TMTC2: variants seen among roughly 807,000 people sequenced by gnomAD.
TMTC2 encodes protein O-mannosyl-transferase TMTC2.
A neutral mutation model predicts 82.4 loss-of-function variants in TMTC2; 43 were observed. The ratio of observed to expected loss-of-function variants is 0.52; its 90% confidence interval spans 0.41 to 0.67. The LOEUF (loss-of-function observed/expected upper bound fraction) is 0.67. Among genes scored for constraint, TMTC2 ranks in the 30% least tolerant of loss-of-function variants. TMTC2 has a pLI of 0.00. For synonymous variants in TMTC2, 408 were observed against 381.9 expected, an observed-to-expected ratio of 1.07 and a Z score of -0.80; for missense variants, 919 against 1,012.4, an observed-to-expected ratio of 0.91 and a Z score of 1.25.
chr12:82,943,603 C>T (rs1876839334), intron 4 of TMTC2, among the ~76,000 whole-genome samples: 1 of 152,186 alleles, frequency 6.6e-6, no homozygotes, highest in African/African-American at 2.4e-5. Context: ...TGAAATTTAT[C>T]TTCCTGCCAC....
intron 1 of TMTC2, among the ~76,000 whole-genome samples, chr12:82,809,302 G>A (rs150630578): frequency 0.013 from 1,912 of 152,064 alleles, 32 homozygotes; most frequent in Middle Eastern, 0.024. Flanking sequence ...TACAGATCTT[G>A]CATTGCATGT....
chr12:83,015,823 G>A (rs1272644162), intron 8 of TMTC2, among the ~76,000 whole-genome samples: 5 of 152,178 alleles, frequency 3.3e-5, no homozygotes, highest in Admixed American at 2.0e-4. Flanking sequence ...CCAGTCCGGC[G>A]ATACGCTTGT....
intron 1 of TMTC2, chr12:82,760,770 T>C (rs2470887): frequency 0.99 from 280,817 of 282,840 alleles, 139,435 homozygotes; most frequent in Non-Finnish European, 1. Context: ...TCTCATAGGG[T>C]GCAAACCCTG....
chr12:82,802,213 G>A (rs1248877205), intron 1 of TMTC2, among the ~76,000 whole-genome samples: 1 of 152,148 alleles, frequency 6.6e-6, no homozygotes, highest in Admixed American at 6.5e-5. Context: ...GCAGCTGCTG[G>A]CTCAGGTCCT....
At chr12:82,940,478 A>T (rs1876653618) in intron 4 of TMTC2, among the ~76,000 whole-genome samples, 1 of 151,920 alleles carries the variant, frequency 6.6e-6, no homozygotes, top group African/African-American at 2.4e-5. Flanking sequence ...TCTATTTTAA[A>T]TTGGTCATTC....
chr12:82,998,183 T>G (rs1879748291), intron 8 of TMTC2, among the ~76,000 whole-genome samples: 1 of 152,154 alleles, frequency 6.6e-6, no homozygotes, highest in Non-Finnish European at 1.5e-5. Context: ...ATTGGAAAAC[T>G]TACTAAAAAA....
Position 82,751,645 on chromosome 12 carries a change from G to A in TMTC2, c.83+63976G>A, listed in dbSNP as rs568106226. On this transcript the variant is annotated intron_variant, in intron 1 of 11. Transcript: ENST00000321196. Reference sequence around the variant, plus strand: ...GGGAAAGGTTTTAAGGTTTACAATGGCTAATAAAGAAATCATGGATAATGG... The same window carrying A: ...GGGAAAGGTTTTAAGGTTTACAATGACTAATAAAGAAATCATGGATAATGG... Among the ~76,000 whole-genome samples, 7 of 152,124 alleles carry A rather than the reference G, an allele frequency of 4.6e-5. No homozygotes were observed. The South Asian group carries it at 1.0e-3, about 23-fold the overall frequency.
intron 1 of TMTC2, among the ~76,000 whole-genome samples, chr12:82,766,823 G>C (rs1427313802): frequency 6.6e-6 from 1 of 151,662 alleles, no homozygotes; most frequent in Admixed American, 6.6e-5. Context: ...ACGGAGTCTC[G>C]CTCTGTCACC....
At chr12:83,115,968 A>G (rs1194972788) in intron 11 of TMTC2, among the ~76,000 whole-genome samples, 1 of 152,014 alleles carries the variant, frequency 6.6e-6, no homozygotes, top group Non-Finnish European at 1.5e-5. Context: ...TTGTATTTTT[A>G]GTAGAAACGG....
chr12:83,048,174 T>G (rs948745653), intron 9 of TMTC2, among the ~76,000 whole-genome samples: 3 of 152,226 alleles, frequency 2.0e-5, no homozygotes, highest in African/African-American at 7.2e-5. Context: ...CAGTTTATAA[T>G]AACTATAACT....
intron 1 of TMTC2, among the ~76,000 whole-genome samples, chr12:82,844,493 G>A (rs926371183): frequency 1.3e-5 from 2 of 152,050 alleles, no homozygotes; most frequent in African/African-American, 4.8e-5. Flanking sequence ...TTATAGTTAC[G>A]TTCTCTCTTT....
chr12:82,937,282 CT>C lies in TMTC2; in HGVS notation c.1598+6746del, dbSNP rs377488444. Among the ~76,000 whole-genome samples, 17 of 151,250 alleles carry C rather than the reference CT, an allele frequency of 1.1e-4. No homozygotes were observed. In the East Asian group the frequency reaches 1.4e-3, roughly 12 times the overall value. ...AACCTGTAAAAGAATCCTTCCTTGC[CT>C]TTTTTTTTGTGGTTTCTTGGCAATC... On this transcript the variant is annotated intron_variant, in intron 4 of 11. Transcript: ENST00000321196.
At chr12:82,974,925 A>G (rs1467721610) in intron 7 of TMTC2, among the ~76,000 whole-genome samples, 2 of 152,100 alleles carry the variant, frequency 1.3e-5, no homozygotes, top group African/African-American at 2.4e-5. Flanking sequence ...GAGGATCTTC[A>G]AGGGAGACGG....
At chr12:82,853,109 CTT>C (rs1185301395) in intron 1 of TMTC2, among the ~76,000 whole-genome samples, 1 of 145,136 alleles carries the variant, frequency 6.9e-6, no homozygotes, top group Admixed American at 6.9e-5. Flanking sequence ...AGTTTTTTTT[CTT>C]TTTTTTTTTG....
intron 11 of TMTC2, among the ~76,000 whole-genome samples, chr12:83,112,121 C>T (rs2137547484): frequency 6.6e-6 from 1 of 152,228 alleles, no homozygotes; most frequent in East Asian, 1.9e-4. Flanking sequence ...AAGACTCCTT[C>T]AGTGAGTTTC....
At chr12:83,026,265 A>G (rs772997744) in intron 8 of TMTC2, among the ~76,000 whole-genome samples, 1 of 152,186 alleles carries the variant, frequency 6.6e-6, no homozygotes, top group Non-Finnish European at 1.5e-5. Context: ...ATATTAGAGC[A>G]GAAGATTCTC....
intron 3 of TMTC2, among the ~76,000 whole-genome samples, chr12:82,905,548 T>C (rs1223024938): frequency 6.6e-6 from 1 of 152,216 alleles, no homozygotes; most frequent in Non-Finnish European, 1.5e-5. Context: ...ACAAAAGATA[T>C]ATGTAAAATT....
At position 82,779,614 on chromosome 12, in the gene TMTC2, C is replaced by A. The variant is rs1251857913; in HGVS notation, c.84-77396C>A. ...GCTGTTAAACAAAATAACTATAGTT[C>A]TAGGCTGGGTGTGGTGGCACATGCC... On this transcript the variant is annotated intron_variant, in intron 1 of 11. Coordinates refer to ENST00000321196, the MANE Select transcript of TMTC2 (RefSeq NM_152588.3). 3.3e-5 allele frequency among the ~76,000 whole-genome samples: 5 copies of A among 152,084 alleles called. No individual in the cohort carries two copies. The East Asian group carries it at 9.6e-4, about 29-fold the overall frequency.
chr12:82,759,972 C>T (rs1876521289), intron 1 of TMTC2: 1 of 152,176 alleles, frequency 6.6e-6, no homozygotes, highest in Admixed American at 6.5e-5. Context: ...CTGATTTTTA[C>T]AGAAGTACCG....
Sources: allele counts gnomAD v4.1 joint callset (sites outside exome capture counted in the v4.1 genomes callset), GRCh38; gene constraint gnomAD v4.1.1; transcripts MANE v1.5; gene names NCBI Gene and HGNC (gene_info 2026-07-23, HGNC 2026-07-21).